PTPRD: variants seen among roughly 807,000 people sequenced by gnomAD.
PTPRD encodes the protein protein tyrosine phosphatase receptor type D, also known as receptor-type tyrosine-protein phosphatase delta.
Under a neutral mutation model 214.5 loss-of-function variants are expected in PTPRD, and 34 were observed. That is an observed-to-expected ratio of 0.16 (90% CI 0.12 to 0.21). PTPRD has a LOEUF of 0.21. Ranked by LOEUF, PTPRD falls within the 10% of genes least tolerant of loss-of-function variation. PTPRD has a pLI of 1.00. For missense variants in PTPRD, 2,545 were observed against 2,398.7 expected (o/e 1.06, Z -1.27); for synonymous variants, 1,128 against 845.7 (o/e 1.33, Z -5.79).
intron 14 of PTPRD, among the ~76,000 whole-genome samples, chr9:8,565,769 T>C (rs982737340): frequency 1.3e-5 from 2 of 152,200 alleles, no homozygotes; most frequent in Non-Finnish European, 2.9e-5. Flanking sequence ...TTCTGCATAG[T>C]TTATGAGACG....
chr9:9,326,971 G>A (rs2040213176), intron 9 of PTPRD, among the ~76,000 whole-genome samples: 1 of 152,118 alleles, frequency 6.6e-6, no homozygotes, highest in Non-Finnish European at 1.5e-5. Flanking sequence ...TAGGTTGGGA[G>A]CAGTGTATGG....
intron 10 of PTPRD, among the ~76,000 whole-genome samples, chr9:9,076,417 T>C (rs2099751301): frequency 6.6e-6 from 1 of 151,916 alleles, no homozygotes; most frequent in South Asian, 2.1e-4. Context: ...GTTATTTTTG[T>C]ACCCATTAAC....
chr9:9,295,199 A>G (rs1417504875), intron 9 of PTPRD, among the ~76,000 whole-genome samples: 4 of 151,772 alleles, frequency 2.6e-5, no homozygotes, highest in African/African-American at 7.3e-5. Context: ...AAACAAATAA[A>G]GTAAAAGTTA....
At chr9:9,221,429 TAA>T (rs1349252606) in intron 9 of PTPRD, among the ~76,000 whole-genome samples, 1 of 152,026 alleles carries the variant, frequency 6.6e-6, no homozygotes, top group Non-Finnish European at 1.5e-5. Flanking sequence ...TGCCACAACA[TAA>T]TATCATAGAC....
intron 12 of PTPRD, among the ~76,000 whole-genome samples, chr9:8,663,038 G>A (rs1398056053): frequency 6.6e-6 from 1 of 152,032 alleles, no homozygotes; most frequent in African/African-American, 2.4e-5. Flanking sequence ...AGAATAATTA[G>A]TCTGTTAGCA....
chr9:9,790,487 G>C (rs1021697569), intron 5 of PTPRD, among the ~76,000 whole-genome samples: 3 of 152,090 alleles, frequency 2.0e-5, no homozygotes, highest in Non-Finnish European at 4.4e-5. Context: ...ATTCCCTTCT[G>C]CCTGATTTCA....
Position 9,311,030 on chromosome 9 carries a change from C to T in PTPRD, c.-203+86419G>A, listed in dbSNP as rs140220500. 9.7e-3 allele frequency among the ~76,000 whole-genome samples: 1,467 copies of T among 151,332 alleles called. 8 individuals are homozygous for T. The highest frequency in any genetic ancestry group is 0.016 in the Non-Finnish European group (1,113 of 67,814). ...GCTCTTAGGAGAGTGCATAATTCAG[C>T]AACCTTAGCAAATTAATATGAGTAC... On this transcript the variant is annotated intron_variant, in intron 9 of 45. Coordinates refer to ENST00000381196, the MANE Select transcript of PTPRD (RefSeq NM_002839.4).
chr9:9,526,919 C>T lies in PTPRD; in HGVS notation c.-237+47813G>A, dbSNP rs900009223. ...TTTATTATAAAATTGCTTATTTTAA[C>T]CCAGTGAACTGTCAATAAAAGTTGG... is the stretch of plus-strand genomic sequence containing the variant. On this transcript the variant is annotated intron_variant, in intron 8 of 45. Coordinates refer to ENST00000381196, the MANE Select transcript of PTPRD (RefSeq NM_002839.4). Among the ~76,000 whole-genome samples the T allele has an allele frequency of 1.9e-4, 29 of 152,118 alleles. 2 individuals are homozygous for T. Among genetic ancestry groups the T allele is most frequent in the Admixed American group, 1.8e-3 (28 of 15,278 alleles).
At chr9:9,265,660 T>A (rs898117372) in intron 9 of PTPRD, among the ~76,000 whole-genome samples, 7 of 151,482 alleles carry the variant, frequency 4.6e-5, no homozygotes, top group Non-Finnish European at 8.9e-5. Flanking sequence ...ATCGGTCTAA[T>A]CCTATTTTTT....
At chr9:9,122,188 A>G (rs1285192159) in intron 10 of PTPRD, among the ~76,000 whole-genome samples, 1 of 152,224 alleles carries the variant, frequency 6.6e-6, no homozygotes, top group African/African-American at 2.4e-5. Context: ...GATGTGTTAC[A>G]AAAGAGTTAT....
At chr9:9,446,664 TG>T (rs2090512761) in intron 8 of PTPRD, among the ~76,000 whole-genome samples, 1 of 152,130 alleles carries the variant, frequency 6.6e-6, no homozygotes, top group South Asian at 2.1e-4. Context: ...GACCTCCAAA[TG>T]GGATCTAATT....
intron 8 of PTPRD, among the ~76,000 whole-genome samples, chr9:9,404,570 A>C (rs551833331): frequency 1.3e-5 from 2 of 152,234 alleles, no homozygotes; most frequent in South Asian, 4.1e-4. Context: ...CGTTTACTGT[A>C]TCTGTATCAG....
chr9:9,072,753 C>T (rs1016927348), intron 10 of PTPRD, among the ~76,000 whole-genome samples: 3 of 152,132 alleles, frequency 2.0e-5, no homozygotes, highest in Non-Finnish European at 2.9e-5. Context: ...GTGAAGTGAT[C>T]TTAAGTTATT....
At chr9:10,586,614 T>A (rs1398111539) in intron 2 of PTPRD, among the ~76,000 whole-genome samples, 1 of 152,074 alleles carries the variant, frequency 6.6e-6, no homozygotes, top group Non-Finnish European at 1.5e-5. Context: ...ATGTCTTTCA[T>A]CAGGTTTGCT....
At chr9:9,761,157 C>G (rs1469645849) in intron 6 of PTPRD, among the ~76,000 whole-genome samples, 1 of 152,128 alleles carries the variant, frequency 6.6e-6, no homozygotes, top group African/African-American at 2.4e-5. Context: ...TGTCTTTCAA[C>G]AGATAAAAAG....
chr9:9,356,286 A>G (rs1277826426), intron 9 of PTPRD, among the ~76,000 whole-genome samples: 1 of 151,398 alleles, frequency 6.6e-6, no homozygotes, highest in Non-Finnish European at 1.5e-5. Context: ...ACCTAGTAGA[A>G]AGGAAAAATT....
chr9:9,365,929 C>T (rs564518903), intron 9 of PTPRD, among the ~76,000 whole-genome samples: 2 of 151,406 alleles, frequency 1.3e-5, no homozygotes, highest in East Asian at 3.9e-4. Flanking sequence ...AACATAGTTA[C>T]AAGAAAATAT....
intron 11 of PTPRD, among the ~76,000 whole-genome samples, chr9:8,870,687 A>AACACACAC (rs3046878): frequency 0.17 from 22,191 of 131,174 alleles, 1,980 homozygotes; most frequent in Middle Eastern, 0.21. Flanking sequence ...ACAGACATGA[A>AACACACAC]ACACACACAC....
chr9:9,707,159 C>T (rs1351806704), intron 7 of PTPRD, among the ~76,000 whole-genome samples: 4 of 152,010 alleles, frequency 2.6e-5, no homozygotes, highest in Non-Finnish European at 5.9e-5. Context: ...TTTTGTATAT[C>T]GGTAATATTT....
Sources: allele counts gnomAD v4.1 joint callset (sites outside exome capture counted in the v4.1 genomes callset), GRCh38; gene constraint gnomAD v4.1.1; transcripts MANE v1.5; gene names NCBI Gene and HGNC (gene_info 2026-07-23, HGNC 2026-07-21).